The following SUSD5 variants were observed in gnomAD, a reference collection of about 807,000 sequenced individuals.
SUSD5 encodes sushi domain-containing protein 5.
SUSD5 carries 33 observed loss-of-function variants against 29.5 expected under a neutral mutation model. That is an observed-to-expected ratio of 1.12 (90% CI 0.85 to 1.49). The LOEUF (loss-of-function observed/expected upper bound fraction) is 1.49, where lower values mean the gene tolerates loss of function less well. Ranked by LOEUF, SUSD5 falls within the 40% of genes most tolerant of loss-of-function variation. The pLI is 0.00. For missense variants in SUSD5, 776 were observed against 800.6 expected (o/e 0.97, Z 0.37); for synonymous variants, 308 against 325.3 (o/e 0.95, Z 0.57).
intron 2 of SUSD5, 110 bp downstream of exon 2, chr3:33,213,817 GC>G: frequency 8.8e-7 from 1 of 1,140,342 alleles, no homozygotes; most frequent in Non-Finnish European, 1.2e-6. Context: ...ACACGCTACT[GC>G]CCACTGTACT....
chr3:33,153,369 C>T lies in SUSD5; in HGVS notation c.1263G>A (p.Lys421=). 1 of 1,613,892 alleles carries T rather than the reference C, an allele frequency of 6.2e-7. No individual in the cohort carries two copies. ...QPILVEVKKP[K]SSTLTPSEGM... is the part of the protein sequence containing the mutation. ...CCTCGCTTGGTGTGAGGGTGCTACT[C>T]TTGGGCTTCTTAACTTCCACAAGAA... Residue 421 remains lysine (K), a synonymous_variant, in exon 5 of 5, where the codon AAG becomes AAA. Transcript: ENST00000309558.
intron 2 of SUSD5, among the ~76,000 whole-genome samples, chr3:33,211,245 T>C (rs928152324): frequency 4.6e-5 from 7 of 152,166 alleles, no homozygotes. Flanking sequence ...GATCCACTAA[T>C]ATGTCTTAAT....
intron 3 of SUSD5, among the ~76,000 whole-genome samples, chr3:33,182,339 A>G (rs1179158271): frequency 6.6e-6 from 1 of 152,240 alleles, no homozygotes; most frequent in African/African-American, 2.4e-5. Context: ...TTTACGGCCC[A>G]GGATGTGGTT....
chr3:33,152,269 A>T lies in SUSD5; in HGVS notation c.*473T>A, dbSNP rs577594005. ...TCCATCTCTACTAAAAATATAAAAAAATTAGCTGGGCATGGTGGTGCATGC... is the reference window on the plus strand; with the variant it reads ...TCCATCTCTACTAAAAATATAAAAATATTAGCTGGGCATGGTGGTGCATGC... On this transcript the variant is annotated 3_prime_UTR_variant, in exon 5 of 5. Transcript: ENST00000309558. The T allele has an allele frequency of 1.9e-5, 3 of 154,586 alleles. No individual in the cohort carries two copies. The highest frequency in any genetic ancestry group is 4.3e-5 in the Non-Finnish European group (3 of 69,650). 9.6% of individuals were successfully genotyped at this position (154,586 alleles called of 1,614,324 possible). A position where few individuals can be genotyped will look rare whatever the true frequency, so the allele number is the denominator to read the frequency against.
chr3:33,188,946 G>C (rs570454259), intron 3 of SUSD5, among the ~76,000 whole-genome samples: 2 of 152,228 alleles, frequency 1.3e-5, no homozygotes. Flanking sequence ...TCAGCATGAG[G>C]TATAAGTGGT....
At chr3:33,178,115 T>C (rs1471068393) in intron 3 of SUSD5, among the ~76,000 whole-genome samples, 1 of 152,124 alleles carries the variant, frequency 6.6e-6, no homozygotes, top group Non-Finnish European at 1.5e-5. Flanking sequence ...TTTTGTTTTG[T>C]TTTTGTTTTT....
intron 4 of SUSD5, among the ~76,000 whole-genome samples, chr3:33,168,197 A>G (rs546437931): frequency 6.9e-4 from 105 of 152,090 alleles, no homozygotes; most frequent in Middle Eastern, 6.8e-3. Context: ...GCTACTTTCC[A>G]TCTTTTTTTA....
rs558973413 is a variant in SUSD5, at chr3:33,156,763, T to C, written c.599-2730A>G. Among the ~76,000 whole-genome samples, 56 of 152,346 alleles carry C rather than the reference T, an allele frequency of 3.7e-4. No individual in the cohort carries two copies. In the South Asian group the frequency reaches 0.011, roughly 29 times the overall value. ...GATTAGTGGGTATCTGGCTTATTTC[T>C]AAAGGCTGTTAGAGAATAAGACTCT... On this transcript the variant is annotated intron_variant, in intron 4 of 4. Coordinates refer to ENST00000309558, the MANE Select transcript of SUSD5 (RefSeq NM_015551.2).
intron 3 of SUSD5, among the ~76,000 whole-genome samples, chr3:33,200,974 G>T (rs1360054933): frequency 6.6e-6 from 1 of 152,140 alleles, no homozygotes; most frequent in Non-Finnish European, 1.5e-5. Context: ...ATGATTTAAA[G>T]ATGGAATTGT....
chr3:33,208,000 T>C, intron 2 of SUSD5, 74 bp from the exon 3 acceptor site: 3 of 1,115,100 alleles, frequency 2.7e-6, no homozygotes, highest in Non-Finnish European at 4.0e-6. Context: ...TCTCTTCTGC[T>C]GTCAGCTCCG....
At chr3:33,169,355 G>T (rs1220235308) in intron 4 of SUSD5, among the ~76,000 whole-genome samples, 1 of 152,072 alleles carries the variant, frequency 6.6e-6, no homozygotes. Flanking sequence ...TGAGTAGCTG[G>T]GATTACAGGC....
chr3:33,207,712 T>C (rs2032247491), intron 3 of SUSD5, 96 bp downstream of exon 3: 1 of 719,798 alleles, frequency 1.4e-6, no homozygotes, highest in Non-Finnish European at 2.3e-6. Flanking sequence ...GTCTAGTAAA[T>C]CCTCACTTCA....
rs575327243 is a variant in SUSD5, at chr3:33,153,573, C to G, written c.1059G>C (p.Lys353Asn). Residue 353 changes from lysine to asparagine, a missense_variant, in exon 5 of 5, where the codon AAG becomes AAC. Lys to Asn is a moderately conservative substitution (Grantham distance 94). Coordinates refer to ENST00000309558, the MANE Select transcript of SUSD5 (RefSeq NM_015551.2). ...CTGGATCTCCTGCCTTGCTGTCATT[C>G]TTGCCCACAAATGGCCCCGAGGGAC... Reference protein sequence around the residue: ...TDGPSGPFVGKNDSKAGDPVV... With the variant: ...TDGPSGPFVGNNDSKAGDPVV... The G allele has an allele frequency of 1.3e-5, 21 of 1,614,032 alleles. No individual in the cohort carries two copies. The African/African-American group carries it at 2.4e-4, about 18-fold the overall frequency.
intron 3 of SUSD5, among the ~76,000 whole-genome samples, chr3:33,203,634 T>C (rs34765964): frequency 0.12 from 18,937 of 152,196 alleles, 1,293 homozygotes; most frequent in East Asian, 0.18. Context: ...ATCTAAAGCA[T>C]GCAGTTCTAC....
chr3:33,215,810 A>T (rs1009633344), intron 1 of SUSD5, among the ~76,000 whole-genome samples: 8 of 152,324 alleles, frequency 5.3e-5, no homozygotes, highest in Admixed American at 1.3e-4. Flanking sequence ...ATGTCAACTC[A>T]AGGGCCAAAA....
chr3:33,215,151 T>G (rs1364316647), intron 1 of SUSD5, among the ~76,000 whole-genome samples: 1 of 151,982 alleles, frequency 6.6e-6, no homozygotes, highest in African/African-American at 2.4e-5. Flanking sequence ...ACTCCTACAT[T>G]TAACTACAAA....
chr3:33,190,320 G>A (rs984779711), intron 3 of SUSD5: 16 of 159,440 alleles, frequency 1.0e-4, no homozygotes, highest in Non-Finnish European at 1.4e-4. Context: ...TTGTTCCAGG[G>A]ATATATTTTT....
chr3:33,217,407 C>G (rs547963655), intron 1 of SUSD5, among the ~76,000 whole-genome samples: 3 of 152,120 alleles, frequency 2.0e-5, no homozygotes, highest in Non-Finnish European at 4.4e-5. Context: ...ATGGTTTTCA[C>G]AACCTAATGA....
At chr3:33,192,169 G>T (rs549086940) in intron 3 of SUSD5, among the ~76,000 whole-genome samples, 6 of 151,722 alleles carry the variant, frequency 4.0e-5, no homozygotes, top group Middle Eastern at 3.4e-3. Flanking sequence ...CACATCCCAG[G>T]TTCAAGCGAT....
Sources: gnomAD v4.1 joint callset for allele counts (sites outside exome capture counted in the v4.1 genomes callset) on GRCh38, gnomAD v4.1.1 for gene constraint, MANE v1.5 for transcripts, NCBI Gene and HGNC (gene_info 2026-07-23, HGNC 2026-07-21) for gene names.